ZNF804B: variants seen among roughly 807,000 people sequenced by gnomAD.
ZNF804B encodes the protein zinc finger 804B.
ZNF804B carries 80 observed loss-of-function variants against 101.4 expected under a neutral mutation model. The observed-to-expected ratio is 0.79, with a 90% confidence interval of 0.66 to 0.95. The LOEUF (loss-of-function observed/expected upper bound fraction) is 0.95. Ranked by LOEUF, ZNF804B falls within the 40% of genes least tolerant of loss-of-function variation. The probability of loss-of-function intolerance (pLI) is 0.00; values close to 1 mark genes in which losing one functional copy is unlikely to be tolerated. For missense variants in ZNF804B, 1,673 were observed against 1,561.9 expected, an observed-to-expected ratio of 1.07 and a Z score of -1.20; for synonymous variants, 622 against 558.8, an observed-to-expected ratio of 1.11 and a Z score of -1.59.
intron 1 of ZNF804B, among the ~76,000 whole-genome samples, chr7:89,043,959 T>C (rs1430904622): frequency 6.6e-6 from 1 of 152,172 alleles, no homozygotes; most frequent in African/African-American, 2.4e-5. Context: ...GAATTTATGG[T>C]ATATATACAC....
intron 1 of ZNF804B, among the ~76,000 whole-genome samples, chr7:89,035,658 A>G (rs1285573909): frequency 6.6e-6 from 1 of 151,830 alleles, no homozygotes; most frequent in African/African-American, 2.4e-5. Flanking sequence ...ACAATCAATT[A>G]GAATTTCAGA....
chr7:89,252,891 G>A (rs1319050799), intron 2 of ZNF804B, among the ~76,000 whole-genome samples: 1 of 152,070 alleles, frequency 6.6e-6, no homozygotes, highest in Non-Finnish European at 1.5e-5. Flanking sequence ...GGGAAGGAGG[G>A]GGACAATTTT....
At chr7:88,894,076 C>T (rs1445489469) in intron 1 of ZNF804B, among the ~76,000 whole-genome samples, 1 of 152,036 alleles carries the variant, frequency 6.6e-6, no homozygotes, top group African/African-American at 2.4e-5. Flanking sequence ...TTCAAAAATA[C>T]TGTATATAAA....
chr7:89,256,023 A>G (rs1490539034), intron 2 of ZNF804B, among the ~76,000 whole-genome samples: 1 of 152,164 alleles, frequency 6.6e-6, no homozygotes, highest in East Asian at 1.9e-4. Flanking sequence ...AAGTATTAAA[A>G]GCACATTAGT....
intron 1 of ZNF804B, among the ~76,000 whole-genome samples, chr7:88,848,578 A>C (rs1352157964): frequency 6.6e-6 from 1 of 151,996 alleles, no homozygotes; most frequent in Admixed American, 6.6e-5. Flanking sequence ...AAATGATTGT[A>C]AAGTATATTT....
At chr7:88,805,876 TAGTGGTACGTGTTC>T (rs1351417255) in intron 1 of ZNF804B, among the ~76,000 whole-genome samples, 1 of 152,116 alleles carries the variant, frequency 6.6e-6, no homozygotes, top group Non-Finnish European at 1.5e-5. Flanking sequence ...ACCATTTCAA[TAGTGGTACGTGTTC>T]CAAGAGTTCC....
At chr7:88,794,622 G>C (rs1790445949) in intron 1 of ZNF804B, 1 of 1,613,582 alleles carries the variant, frequency 6.2e-7, no homozygotes, top group South Asian at 1.1e-5. Flanking sequence ...GAACTTTGTA[G>C]AGAGTGTCGC....
chr7:88,993,055 A>G (rs1793869196), intron 1 of ZNF804B, among the ~76,000 whole-genome samples: 1 of 151,996 alleles, frequency 6.6e-6, no homozygotes, highest in Non-Finnish European at 1.5e-5. Context: ...ACATAAGAAA[A>G]TGGCCAAACT....
intron 1 of ZNF804B, among the ~76,000 whole-genome samples, chr7:88,935,198 G>A (rs1052963821): frequency 2.0e-5 from 3 of 151,668 alleles, no homozygotes; most frequent in African/African-American, 7.3e-5. Flanking sequence ...AATATCATAT[G>A]TTCTCACTTA....
At chr7:89,245,930 A>G (rs1789438640) in intron 2 of ZNF804B, among the ~76,000 whole-genome samples, 1 of 152,120 alleles carries the variant, frequency 6.6e-6, no homozygotes. Flanking sequence ...CCTTTGTTTC[A>G]CTCAAGCCAT....
intron 1 of ZNF804B, among the ~76,000 whole-genome samples, chr7:88,769,399 T>C (rs1790030699): frequency 6.6e-6 from 1 of 152,166 alleles, no homozygotes; most frequent in Non-Finnish European, 1.5e-5. Context: ...TTGCTTTAGG[T>C]ATAATTTAGT....
chr7:89,103,062 T>TTGTTTGTTTTG lies in ZNF804B; in HGVS notation c.109-115092_109-115091insGTTTGTTTTGT, dbSNP rs1554364842. Among the ~76,000 whole-genome samples the TTGTTTGTTTTG allele has an allele frequency of 1.2e-3, 156 of 135,192 alleles. 1 individual carries two copies. The highest frequency in any genetic ancestry group is 4.3e-3 in the African/African-American group (146 of 34,200). The allele number at this position is 135,192 out of a possible 152,430, so 88.7% of individuals were successfully genotyped here. A position where few individuals can be genotyped will look rare whatever the true frequency, so the allele number is the denominator to read the frequency against. On this transcript the variant is annotated intron_variant, in intron 1 of 3. Transcript: ENST00000333190. ...CCTATGTGTCTGTTTTTTTTTTTTT[T>TTGTTTGTTTTG]TTTTTTTTTTTTTTTTTTTTTACCA...
intron 1 of ZNF804B, among the ~76,000 whole-genome samples, chr7:88,868,093 CT>C (rs1412650853): frequency 7.1e-6 from 1 of 141,094 alleles, no homozygotes; most frequent in Admixed American, 7.1e-5. Flanking sequence ...GTGTATTATG[CT>C]TTTCTTTAAG....
At chr7:88,957,943 T>C (rs1488210126) in intron 1 of ZNF804B, among the ~76,000 whole-genome samples, 3 of 151,426 alleles carry the variant, frequency 2.0e-5, no homozygotes, top group South Asian at 2.1e-4. Context: ...TGTATATATA[T>C]ACAGAGTACT....
intron 1 of ZNF804B, among the ~76,000 whole-genome samples, chr7:88,772,724 A>G (rs915890922): frequency 3.3e-5 from 5 of 152,178 alleles, no homozygotes; most frequent in African/African-American, 1.2e-4. Flanking sequence ...CAAGGAAAGA[A>G]CTGCAAACTC....
intron 1 of ZNF804B, among the ~76,000 whole-genome samples, chr7:88,932,269 T>G (rs1385094432): frequency 1.3e-5 from 2 of 151,786 alleles, no homozygotes; most frequent in Non-Finnish European, 2.9e-5. Context: ...TCCTAGTTCA[T>G]AGCATTAAAT....
chr7:89,322,213 A>T (rs1790831921), intron 2 of ZNF804B, among the ~76,000 whole-genome samples: 1 of 152,206 alleles, frequency 6.6e-6, no homozygotes, highest in African/African-American at 2.4e-5. Context: ...ACCGCTTGAC[A>T]TAATGATATT....
At chr7:89,150,446 G>C (rs959626594) in intron 1 of ZNF804B, among the ~76,000 whole-genome samples, 2 of 152,076 alleles carry the variant, frequency 1.3e-5, no homozygotes, top group Non-Finnish European at 2.9e-5. Flanking sequence ...GCATTGTCTT[G>C]TTAGAAAAAG....
chr7:89,171,291 T>TG (rs1562904397), intron 1 of ZNF804B, among the ~76,000 whole-genome samples: 1,957 of 47,794 alleles, frequency 0.041, 31 homozygotes, highest in Non-Finnish European at 0.043. Flanking sequence ...TGCTGCTGCT[T>TG]CTTCTTCTTC....
Sources: allele counts gnomAD v4.1 joint callset (sites outside exome capture counted in the v4.1 genomes callset), GRCh38; gene constraint gnomAD v4.1.1; transcripts MANE v1.5; gene names NCBI Gene and HGNC (gene_info 2026-07-23, HGNC 2026-07-21).